The following TRPC5 variants were observed in gnomAD, a reference collection of about 807,000 sequenced individuals.
The protein encoded by TRPC5 is transient receptor potential cation channel subfamily C member 5, also known as short transient receptor potential channel 5.
In TRPC5, 9 loss-of-function variants were observed where a neutral mutation model predicts 56.5. The observed-to-expected ratio is 0.16, with a 90% CI of 0.10 to 0.28. TRPC5 has a LOEUF of 0.28. Among genes scored for constraint, TRPC5 ranks in the 10% least tolerant of loss-of-function variants. TRPC5 has a pLI of 1.00. For synonymous variants in TRPC5, 282 were observed against 278.5 expected, an observed-to-expected ratio of 1.01 and a Z score of -0.13; for missense variants, 469 against 748.9, an observed-to-expected ratio of 0.63 and a Z score of 4.36.
intron 10 of TRPC5, 60 bp downstream of exon 10, chrX:111,778,923 CTG>C (rs1171733678): frequency 1.7e-5 from 14 of 829,184 alleles, no homozygotes; most frequent in Non-Finnish European, 2.4e-5. Flanking sequence ...ACCTCACACA[CTG>C]TGAAGATTAA....
chrX:111,897,254 G>A (rs1925111224), intron 3 of TRPC5, among the ~76,000 whole-genome samples: 1 of 111,117 alleles, frequency 9.0e-6, no homozygotes, highest in African/African-American at 3.3e-5. Context: ...AAGAAAAGTG[G>A]GTTTTACAGT....
chrX:111,984,273 G>A (rs1312182387), intron 1 of TRPC5, among the ~76,000 whole-genome samples: 2 of 111,714 alleles, frequency 1.8e-5, no homozygotes, highest in Non-Finnish European at 3.8e-5. Context: ...AGCATCATTG[G>A]TTCGGCTGGG....
chrX:112,045,038 G>A (rs1929985316), intron 1 of TRPC5, among the ~76,000 whole-genome samples: 4 of 112,112 alleles, frequency 3.6e-5, no homozygotes. Context: ...TCACAAGGGT[G>A]GTATAATTGG....
rs1317194515 is a variant in TRPC5, at chrX:111,776,410, G to A, written c.2825C>T (p.Ser942Phe). 1 of 1,211,104 alleles carries A rather than the reference G, an allele frequency of 8.3e-7. No individual in the cohort carries two copies. The highest frequency in any genetic ancestry group is 2.2e-5 in the Admixed American group (1 of 45,942). The change falls in exon 11 of 11, where the codon TCC becomes TTC. Residue 942 changes from serine to phenylalanine, a missense_variant. By Grantham distance (155) the Ser-to-Phe change is radical. Transcript: ENST00000262839. ...CCAAGTTTCAAATACATCCTCTGAG[G>A]AGTCTAAAAGTTTAGAATTTGAGGA... ...ICSSNSKLLD[S>F]SEDVFETWGE...
chrX:111,778,509 T>C (rs1270655084), intron 10 of TRPC5, among the ~76,000 whole-genome samples: 1 of 111,188 alleles, frequency 9.0e-6, no homozygotes, highest in African/African-American at 3.3e-5. Flanking sequence ...GGGGACAAAA[T>C]TGCCCCTGGT....
intron 2 of TRPC5, among the ~76,000 whole-genome samples, chrX:111,944,280 G>A (rs979721484): frequency 7.7e-4 from 61 of 79,288 alleles, no homozygotes; most frequent in African/African-American, 4.0e-3. Flanking sequence ...GTGTGTGTGT[G>A]TGTGTGTGTG....
chrX:111,915,779 ATAAAT>A (rs1925956565), intron 2 of TRPC5, among the ~76,000 whole-genome samples: 1 of 110,977 alleles, frequency 9.0e-6, no homozygotes, highest in African/African-American at 3.3e-5. Flanking sequence ...CTCAGCAAAA[ATAAAT>A]TAAATTTCCT....
At chrX:111,813,295 C>T (rs1921766435) in intron 7 of TRPC5, among the ~76,000 whole-genome samples, 2 of 112,100 alleles carry the variant, frequency 1.8e-5, no homozygotes, top group South Asian at 7.4e-4. Flanking sequence ...ATGTGTGTGC[C>T]CTGCATTGCC....
intron 2 of TRPC5, among the ~76,000 whole-genome samples, chrX:111,935,318 CG>C (rs1926536110): frequency 9.0e-6 from 1 of 111,591 alleles, no homozygotes; most frequent in African/African-American, 3.3e-5. Flanking sequence ...GAAGACTAAT[CG>C]TTTTTTTTCC....
At chrX:111,789,498 G>GAATCAT (rs1258103020) in intron 7 of TRPC5, among the ~76,000 whole-genome samples, 2 of 112,110 alleles carry the variant, frequency 1.8e-5, no homozygotes, top group Admixed American at 9.5e-5. Flanking sequence ...TCAGGACATA[G>GAATCAT]GCATGGGCAA....
chrX:111,995,148 C>T (rs1928487631), intron 1 of TRPC5, among the ~76,000 whole-genome samples: 1 of 111,426 alleles, frequency 9.0e-6, no homozygotes, highest in Admixed American at 9.6e-5. Context: ...CATCAATACC[C>T]AGTTTATTGA....
intron 7 of TRPC5, among the ~76,000 whole-genome samples, chrX:111,831,434 C>G (rs893615487): frequency 1.8e-5 from 2 of 111,832 alleles, no homozygotes; most frequent in African/African-American, 3.3e-5. Flanking sequence ...ACCACCTGCC[C>G]TTCTTGGCAC....
chrX:111,801,338 G>GAAT (rs1302293302), intron 7 of TRPC5, among the ~76,000 whole-genome samples: 1 of 111,794 alleles, frequency 8.9e-6, no homozygotes, highest in African/African-American at 3.2e-5. Flanking sequence ...TGAATATTTT[G>GAAT]AATAATTCTC....
intron 3 of TRPC5, among the ~76,000 whole-genome samples, chrX:111,880,789 T>A (rs1240578427): frequency 2.7e-5 from 3 of 112,446 alleles, no homozygotes; most frequent in African/African-American, 6.5e-5. Flanking sequence ...TAGGAATCCA[T>A]GAAGCTAATA....
At chrX:111,809,992 G>A (rs771414668) in intron 7 of TRPC5, among the ~76,000 whole-genome samples, 21 of 109,209 alleles carry the variant, frequency 1.9e-4, no homozygotes, top group African/African-American at 7.1e-4. Flanking sequence ...TTGGCTCACT[G>A]CAACCTCTGC....
At chrX:111,850,271 G>T (rs373032800) in intron 5 of TRPC5, among the ~76,000 whole-genome samples, 3 of 111,690 alleles carry the variant, frequency 2.7e-5, no homozygotes, top group African/African-American at 9.8e-5. Context: ...ATATATATTT[G>T]TTCCTTTTGA....
At chrX:112,049,058 G>A (rs1005009577) in intron 1 of TRPC5, among the ~76,000 whole-genome samples, 4 of 111,965 alleles carry the variant, frequency 3.6e-5, no homozygotes, top group African/African-American at 9.7e-5. Flanking sequence ...GCTCTGCTGA[G>A]TAACCTTGCA....
intron 1 of TRPC5, among the ~76,000 whole-genome samples, chrX:111,977,270 G>A (rs1051700568): frequency 7.2e-5 from 8 of 111,427 alleles, no homozygotes; most frequent in Admixed American, 1.9e-4. Flanking sequence ...TACGGTACCA[G>A]CATAAAAGTA....
chrX:111,859,786 T>C (rs1349814270), intron 3 of TRPC5, among the ~76,000 whole-genome samples: 8 of 112,611 alleles, frequency 7.1e-5, no homozygotes, highest in Non-Finnish European at 1.5e-4. Context: ...AGTAAAAGCC[T>C]TGGTAAAGTA....
Sources: allele counts gnomAD v4.1 joint callset (sites outside exome capture counted in the v4.1 genomes callset), GRCh38; gene constraint gnomAD v4.1.1; transcripts MANE v1.5; gene names NCBI Gene and HGNC (gene_info 2026-07-23, HGNC 2026-07-21).